ANKRD28: variants seen among roughly 807,000 people sequenced by gnomAD.
ANKRD28 encodes ankyrin repeat domain 28, also known as serine/threonine-protein phosphatase 6 regulatory ankyrin repeat subunit A.
A neutral mutation model predicts 126.5 loss-of-function variants in ANKRD28; 44 were observed. The ratio of observed to expected loss-of-function variants is 0.35; its 90% CI spans 0.27 to 0.45. ANKRD28 has a LOEUF of 0.45. ANKRD28 is among the 20% of genes least tolerant of loss of function. The pLI, the probability that ANKRD28 is intolerant of heterozygous loss-of-function variation, is 1.00. For synonymous variants in ANKRD28, 442 were observed against 468.5 expected, an observed-to-expected ratio of 0.94 and a Z score of 0.73; for missense variants, 1,110 against 1,316.6, an observed-to-expected ratio of 0.84 and a Z score of 2.43.
At chr3:15,741,748 A>G (rs2057035985) in intron 4 of ANKRD28, among the ~76,000 whole-genome samples, 1 of 70,044 alleles carries the variant, frequency 1.4e-5, no homozygotes, top group African/African-American at 5.3e-5. Flanking sequence ...AGCAATTCTT[A>G]CCATTGATTT....
At position 15,766,250 on chromosome 3, in the gene ANKRD28, T is replaced by A; in HGVS notation, c.264A>T (p.Glu88Asp). The A allele has an allele frequency of 6.2e-7, 1 of 1,610,756 alleles. No individual in the cohort carries two copies. Among genetic ancestry groups the A allele is most frequent in the Non-Finnish European group, 8.5e-7 (1 of 1,177,846 alleles). Residue 88 changes from glutamate (E) to aspartate (D), a missense_variant, in exon 3 of 28, where the codon GAA becomes GAT. Physicochemically the swap from Glu to Asp is conservative, Grantham distance 45. Coordinates refer to ENST00000683139, the MANE Select transcript of ANKRD28 (RefSeq NM_001349278.2). Reference sequence around the variant, plus strand: ...TTACCATACCAGATAAAATAAGAAGTTCAATGATTTCTGCATCTCCAAGGT... The same window carrying A: ...TTACCATACCAGATAAAATAAGAAGATCAATGATTTCTGCATCTCCAAGGT... ...AAYLGDAEII[E>D]LLILSGARVN...
intron 2 of ANKRD28, among the ~76,000 whole-genome samples, chr3:15,787,087 A>C (rs565281071): frequency 2.6e-5 from 4 of 152,276 alleles, no homozygotes; most frequent in African/African-American, 9.6e-5. Flanking sequence ...TAAATAAATT[A>C]TGCTATGAAA....
intron 1 of ANKRD28, among the ~76,000 whole-genome samples, chr3:15,847,948 T>TG (rs1330739370): frequency 6.6e-6 from 1 of 152,250 alleles, no homozygotes; most frequent in East Asian, 1.9e-4. Flanking sequence ...CTTCATGATT[T>TG]GGCCCTTATC....
At chr3:15,820,133 G>A (rs575513908) in intron 1 of ANKRD28, among the ~76,000 whole-genome samples, 32 of 152,290 alleles carry the variant, frequency 2.1e-4, no homozygotes, top group Admixed American at 1.3e-3. Flanking sequence ...GACAACATTT[G>A]TACAGACTGG....
intron 1 of ANKRD28, among the ~76,000 whole-genome samples, chr3:15,857,211 T>C (rs2061792675): frequency 6.6e-6 from 1 of 152,254 alleles, no homozygotes; most frequent in Admixed American, 6.5e-5. Flanking sequence ...AGAGACCAGA[T>C]GAGCCAATTA....
rs190429199 is a variant in ANKRD28, at chr3:15,667,785, C to T, written c.*2485G>A. The T allele has an allele frequency of 2.0e-5, 3 of 152,240 alleles. No homozygotes were observed. Among genetic ancestry groups the T allele is most frequent in the East Asian group, 3.9e-4 (2 of 5,192 alleles). 9.4% of individuals were successfully genotyped at this position (152,240 alleles called of 1,614,324 possible). On this transcript the variant is annotated 3_prime_UTR_variant, in exon 28 of 28. Coordinates refer to ENST00000683139, the MANE Select transcript of ANKRD28 (RefSeq NM_001349278.2). ...AGTGGGGTGGCATTCGCAAGAACTA[C>T]CTTAATGTTTTTGGTAACAGCATCA...
intron 1 of ANKRD28, among the ~76,000 whole-genome samples, chr3:15,848,212 C>G (rs2061566879): frequency 6.6e-6 from 1 of 152,200 alleles, no homozygotes; most frequent in Admixed American, 6.5e-5. Flanking sequence ...ACCAGAACCA[C>G]AAATTTGGGA....
Position 15,854,733 on chromosome 3 carries a change from TG to T in ANKRD28, c.27+4643del, listed in dbSNP as rs1173727482. Among the ~76,000 whole-genome samples, 4 of 152,244 alleles carry T rather than the reference TG, an allele frequency of 2.6e-5. No homozygotes were observed. The East Asian group carries it at 7.7e-4, about 29-fold the overall frequency. Reference sequence around the variant, plus strand: ...AGAGATGGTAGCTACTTCACCCTTGTGTCCCCTGTCATCTCCAGCACAAAAC... The same window carrying T: ...AGAGATGGTAGCTACTTCACCCTTGTTCCCCTGTCATCTCCAGCACAAAAC... On this transcript the variant is annotated intron_variant, in intron 1 of 27. Coordinates refer to the ANKRD28 transcript ENST00000399451. The surrounding 1 kb of genome is among the most constrained non-coding windows in gnomAD (Gnocchi z 4.1).
chr3:15,798,909 AAT>A (rs1436921364), upstream of ANKRD28, among the ~76,000 whole-genome samples: 1 of 151,992 alleles, frequency 6.6e-6, no homozygotes, highest in East Asian at 1.9e-4. Context: ...TAATAAACAT[AAT>A]AGTTACTTTT....
At chr3:15,823,033 CAAGA>C (rs1156716088) in intron 1 of ANKRD28, among the ~76,000 whole-genome samples, 3 of 152,084 alleles carry the variant, frequency 2.0e-5, no homozygotes, top group Non-Finnish European at 2.9e-5. Context: ...AAAACTGACC[CAAGA>C]AATAGAAAAC....
At chr3:15,765,853 A>C (rs993056653) in intron 3 of ANKRD28, among the ~76,000 whole-genome samples, 1 of 151,454 alleles carries the variant, frequency 6.6e-6, no homozygotes, top group African/African-American at 2.4e-5. Flanking sequence ...AAACCAAAAA[A>C]AAAAAAAAAA....
chr3:15,852,929 G>A (rs2061684852), intron 1 of ANKRD28, among the ~76,000 whole-genome samples: 1 of 149,512 alleles, frequency 6.7e-6, no homozygotes, highest in Non-Finnish European at 1.5e-5. Flanking sequence ...ATTCTATCCA[G>A]ACTCTACTAT....
At position 15,735,595 on chromosome 3, in the gene ANKRD28, TAA is replaced by T. The variant is rs2074964149; in HGVS notation, c.553-100_553-99del. ...TTACTTATCTCAACTTCTCTGGCAC[TAA>T]ATTTCTGCAGTTGCTGAACAGAAGG... On this transcript the variant is annotated intron_variant, in intron 5 of 27. Coordinates refer to ENST00000683139, the MANE Select transcript of ANKRD28 (RefSeq NM_001349278.2). 1.1e-5 allele frequency: 10 copies of T among 903,158 alleles called. No homozygotes were observed. The Admixed American group carries it at 2.3e-4, about 20-fold the overall frequency. The allele number at this position is 903,158 out of a possible 1,614,324, so 55.9% of individuals were successfully genotyped here. A position where few individuals can be genotyped will look rare whatever the true frequency, so the allele number is the denominator to read the frequency against.
At chr3:15,844,509 A>C (rs900099302) in intron 1 of ANKRD28, among the ~76,000 whole-genome samples, 4 of 152,164 alleles carry the variant, frequency 2.6e-5, no homozygotes, top group Non-Finnish European at 2.9e-5. Flanking sequence ...ACAGAACAAG[A>C]AGGTGAGCAG....
intron 14 of ANKRD28, among the ~76,000 whole-genome samples, chr3:15,699,241 C>T (rs2070175387): frequency 6.6e-6 from 1 of 152,134 alleles, no homozygotes; most frequent in African/African-American, 2.4e-5. Context: ...AAAATTAACT[C>T]AAGATGGATT....
chr3:15,691,375 G>A (rs1319957841), intron 17 of ANKRD28, among the ~76,000 whole-genome samples: 4 of 152,038 alleles, frequency 2.6e-5, no homozygotes, highest in South Asian at 2.1e-4. Flanking sequence ...CGCCCGCCTC[G>A]GCCTCCCAAA....
intron 4 of ANKRD28, among the ~76,000 whole-genome samples, chr3:15,746,332 GC>G (rs2057475496): frequency 6.6e-6 from 1 of 152,194 alleles, no homozygotes. Flanking sequence ...TCAGTAAAAT[GC>G]TGGATGCGAG....
intron 4 of ANKRD28, among the ~76,000 whole-genome samples, chr3:15,745,295 A>G (rs1177308297): frequency 6.6e-6 from 1 of 152,122 alleles, no homozygotes; most frequent in Non-Finnish European, 1.5e-5. Flanking sequence ...GCCTAAACCA[A>G]TGTCTAGAAG....
rs756326688 is a variant in ANKRD28, at chr3:15,676,928, A to T, written c.2873+46T>A. The T allele has an allele frequency of 5.4e-6, 8 of 1,482,896 alleles. No homozygotes were observed. The East Asian group carries it at 1.6e-4, about 29-fold the overall frequency. The allele number at this position is 1,482,896 out of a possible 1,614,324, so 91.9% of individuals were successfully genotyped here. The stretch of plus-strand genomic sequence containing the variant: ...TTAAAAAAATCCATTTATCATTTTT[A>T]TAATTATAGGTCACAAAGTTTATAC... On this transcript the variant is annotated intron_variant, in intron 26 of 27. Transcript: ENST00000683139.
Sources: gnomAD v4.1 joint callset for allele counts (sites outside exome capture counted in the v4.1 genomes callset) on GRCh38, gnomAD v4.1.1 for gene constraint, Gnocchi (gnomAD v3.1) non-coding constraint, MANE v1.5 for transcripts, NCBI Gene and HGNC (gene_info 2026-07-23, HGNC 2026-07-21) for gene names.